Variants in SENP7 observed in about 807,000 individuals in gnomAD.
SENP7 encodes the protein SUMO specific peptidase 7.
In SENP7, 64 loss-of-function variants were observed where a neutral mutation model predicts 141.2. The ratio of observed to expected loss-of-function variants is 0.45; its 90% CI spans 0.37 to 0.56. The LOEUF is 0.56. Among genes scored for constraint, SENP7 ranks in the 20% least tolerant of loss-of-function variants. SENP7 has a pLI of 0.00. For missense variants in SENP7, 1,025 were observed against 1,212.2 expected, an observed-to-expected ratio of 0.85 and a Z score of 2.29; for synonymous variants, 382 against 426.4, an observed-to-expected ratio of 0.90 and a Z score of 1.28.
At chr3:101,332,977 A>T in intron 17 of SENP7, 115 bp from the exon 18 acceptor site, 1 of 1,014,262 alleles carries the variant, frequency 9.9e-7, no homozygotes, top group Non-Finnish European at 1.4e-6. Flanking sequence ...CATCTTCTTT[A>T]AGATATATCA....
intron 11 of SENP7, 44 bp from the exon 12 acceptor site, chr3:101,351,695 ATG>A (rs755172826): frequency 3.0e-5 from 38 of 1,273,684 alleles, no homozygotes; most frequent in Non-Finnish European, 3.7e-5. Flanking sequence ...ACCACTCAAA[ATG>A]TGTTACTATT....
rs984646278 is a variant in SENP7, at chr3:101,490,265, T to G, written c.186+3608A>C. Among the ~76,000 whole-genome samples the G allele has an allele frequency of 1.5e-4, 23 of 149,504 alleles. No homozygotes were observed. The South Asian group carries it at 4.4e-3, about 29-fold the overall frequency. ...AGAGAATTAAATAAACCATAATATA[T>G]TCACATAATGGAATATTACATAGCA... is the stretch of plus-strand genomic sequence containing the variant. On this transcript the variant is annotated intron_variant, in intron 3 of 23. Coordinates refer to ENST00000394095, the MANE Select transcript of SENP7 (RefSeq NM_020654.5).
At chr3:101,461,138 T>G (rs750283698) in intron 3 of SENP7, among the ~76,000 whole-genome samples, 1 of 151,604 alleles carries the variant, frequency 6.6e-6, no homozygotes, top group Non-Finnish European at 1.5e-5. Flanking sequence ...AAGTGAAAGA[T>G]CTCCACAATG....
intron 6 of SENP7, among the ~76,000 whole-genome samples, chr3:101,394,147 T>G (rs1042340524): frequency 6.6e-6 from 1 of 152,194 alleles, no homozygotes; most frequent in Non-Finnish European, 1.5e-5. Flanking sequence ...AATTCTACTC[T>G]CTGCCTCTAT....
intron 4 of SENP7, among the ~76,000 whole-genome samples, chr3:101,431,009 C>G (rs879843579): frequency 6.6e-6 from 1 of 152,168 alleles, no homozygotes. Context: ...TTTCTTAATC[C>G]TGAGTTCTAA....
At chr3:101,384,042 G>A (rs1559749955) in intron 6 of SENP7, among the ~76,000 whole-genome samples, 1 of 152,300 alleles carries the variant, frequency 6.6e-6, no homozygotes, top group Non-Finnish European at 1.5e-5. Flanking sequence ...AGCCAGACTT[G>A]GGCAGATATC....
intron 6 of SENP7, among the ~76,000 whole-genome samples, chr3:101,377,549 A>G (rs953173398): frequency 6.6e-5 from 10 of 152,180 alleles, no homozygotes; most frequent in Non-Finnish European, 1.5e-4. Context: ...CTCACAGTGA[A>G]TATCAGAAAA....
At chr3:101,337,371 A>G (rs2059214685) in intron 17 of SENP7, 138 bp downstream of exon 17, 1 of 504,500 alleles carries the variant, frequency 2.0e-6, no homozygotes, top group Non-Finnish European at 3.4e-6. Context: ...AATGGCTCTC[A>G]TGGCAAACAG....
At chr3:101,467,762 A>G (rs1441195386) in intron 3 of SENP7, among the ~76,000 whole-genome samples, 2 of 152,238 alleles carry the variant, frequency 1.3e-5, no homozygotes, top group Non-Finnish European at 2.9e-5. Flanking sequence ...ACTAGAGCAG[A>G]AAAGCTGAAA....
At chr3:101,441,941 T>C (rs971131576) in intron 4 of SENP7, among the ~76,000 whole-genome samples, 2 of 152,122 alleles carry the variant, frequency 1.3e-5, no homozygotes, top group African/African-American at 4.8e-5. Context: ...GACACCAATA[T>C]CACTGATTAT....
At chr3:101,351,563 AT>A in intron 12 of SENP7, 54 bp downstream of exon 12, 1 of 1,257,390 alleles carries the variant, frequency 8.0e-7, no homozygotes, top group Non-Finnish European at 1.1e-6. Flanking sequence ...TTTTACTTAA[AT>A]TTATACTAAA....
In SENP7 at chr3:101,417,623, G is replaced by A. The variant is rs754833971; in HGVS notation, c.452C>T (p.Pro151Leu). The A allele has an allele frequency of 8.7e-6, 14 of 1,613,848 alleles. No individual in the cohort carries two copies. Among genetic ancestry groups the A allele is most frequent in the Non-Finnish European group, 1.2e-5 (14 of 1,179,786 alleles). ...DSLETCQKLE[P>L]LRQSLNLSER... is the part of the protein sequence containing the mutation. ...AGATAAATTAAGGCTTTGGCGAAGA[G>A]GTTCTAATTTTTGACATGTCTCTAG... The change falls in exon 5 of 24, where the codon CCT becomes CTT. Residue 151 changes from proline to leucine, a missense_variant. Physicochemically the swap from Pro to Leu is moderately conservative, Grantham distance 98. Around this residue, in one of 4 missense-constraint regions of SENP7, gnomAD observed 496 missense variants for 503.5 expected, o/e 0.99. Coordinates refer to ENST00000394095, the MANE Select transcript of SENP7 (RefSeq NM_020654.5).
At chr3:101,417,901 T>A in intron 4 of SENP7, 111 bp from the exon 5 acceptor site, 2 of 811,204 alleles carry the variant, frequency 2.5e-6, no homozygotes, top group Non-Finnish European at 3.9e-6. Flanking sequence ...CTCAAGCAAC[T>A]ATAGTAAATA....
At chr3:101,413,587 T>C (rs879506594) in intron 5 of SENP7, among the ~76,000 whole-genome samples, 1 of 152,082 alleles carries the variant, frequency 6.6e-6, no homozygotes, top group Non-Finnish European at 1.5e-5. Context: ...CTCAGGAAGT[T>C]TGCTACAGGG....
At chr3:101,405,273 G>A (rs764631667) in intron 5 of SENP7, among the ~76,000 whole-genome samples, 3 of 152,136 alleles carry the variant, frequency 2.0e-5, no homozygotes, top group African/African-American at 4.8e-5. Flanking sequence ...GCAGACAACC[G>A]CCAGTACCAG....
At position 101,376,551 on chromosome 3, in the gene SENP7, G is replaced by T. The variant is rs543394256; in HGVS notation, c.678-4425C>A. On this transcript the variant is annotated intron_variant, in intron 6 of 23. Coordinates refer to ENST00000394095, the MANE Select transcript of SENP7 (RefSeq NM_020654.5). ...GGCAAACAGCAAAAAACCAAACACC[G>T]CATGTTCTCACTCATAGGTGGGAAT... is the stretch of plus-strand genomic sequence containing the variant. Among the ~76,000 whole-genome samples, 3 of 151,828 alleles carry T rather than the reference G, an allele frequency of 2.0e-5. No individual in the cohort carries two copies. In the South Asian group the frequency reaches 6.3e-4, roughly 32 times the overall value.
chr3:101,380,077 C>T (rs1167105221), intron 6 of SENP7, among the ~76,000 whole-genome samples: 2 of 152,112 alleles, frequency 1.3e-5, no homozygotes, highest in Admixed American at 6.5e-5. Flanking sequence ...TAGCAAAGGA[C>T]AAATACTGTG....
chr3:101,452,964 C>CA (rs1338976989), intron 4 of SENP7, among the ~76,000 whole-genome samples: 1 of 152,168 alleles, frequency 6.6e-6, no homozygotes, highest in African/African-American at 2.4e-5. Context: ...GCAACCTACT[C>CA]ATCTGACAGA....
chr3:101,375,327 G>T (rs1438176591), intron 6 of SENP7, among the ~76,000 whole-genome samples: 1 of 151,934 alleles, frequency 6.6e-6, no homozygotes, highest in East Asian at 1.9e-4. Context: ...CGGATCACCT[G>T]AGGTCGAGAG....
Sources: gnomAD v4.1 joint callset for allele counts (sites outside exome capture counted in the v4.1 genomes callset) on GRCh38, gnomAD v4.1.1 for gene constraint, gnomAD v4.1.1 regional missense constraint, MANE v1.5 for transcripts, NCBI Gene and HGNC (gene_info 2026-07-23, HGNC 2026-07-21) for gene names.